NRP2: variants seen among roughly 807,000 people sequenced by gnomAD.
The protein encoded by NRP2 is neuropilin-2.
A neutral mutation model predicts 110.4 loss-of-function variants in NRP2; 52 were observed. The ratio of observed to expected loss-of-function variants is 0.47; its 90% CI spans 0.38 to 0.59. The LOEUF (loss-of-function observed/expected upper bound fraction) is 0.59, where lower values mean the gene tolerates loss of function less well. Among genes scored for constraint, NRP2 ranks in the 20% least tolerant of loss-of-function variants. The pLI is 0.00. For synonymous variants in NRP2, 508 were observed against 468.9 expected, an observed-to-expected ratio of 1.08 and a Z score of -1.08; for missense variants, 1,049 against 1,203.0, an observed-to-expected ratio of 0.87 and a Z score of 1.89.
At position 205,749,780 on chromosome 2, in the gene NRP2, C is replaced by A; in HGVS notation, c.1842C>A (p.Thr614=). The part of the protein sequence containing the change: ...LGPTVKSEET[T]TPYPTEEEAT... ...CCACTGTGAAGAGCGAAGAGACAAC[C>A]ACCCCCTACCCCACCGAAGAGGAGG... Residue 614 remains threonine, a synonymous_variant, in exon 11 of 17, where the codon ACC becomes ACA. Transcript: ENST00000357785. 6.2e-7 allele frequency: 1 copy of A among 1,614,154 alleles called. No homozygotes were observed. The highest frequency in any genetic ancestry group is 1.1e-5 in the South Asian group (1 of 91,076).
chr2:205,684,273 C>T (rs900081214), intron 1 of NRP2, among the ~76,000 whole-genome samples: 1 of 152,222 alleles, frequency 6.6e-6, no homozygotes, highest in East Asian at 1.9e-4. Flanking sequence ...GCTTCCTTCT[C>T]GGACCACTCT....
At position 205,761,125 on chromosome 2, in the gene NRP2, G is replaced by A. The variant is rs567799900; in HGVS notation, c.2045-2549G>A. ...TGGCTGTTGGCTTGGGAGGGTAGAG[G>A]GAATTGTGAAGGGATTATATCTAAG... On this transcript the variant is annotated intron_variant, in intron 12 of 16. Transcript: ENST00000357785. 7.2e-5 allele frequency among the ~76,000 whole-genome samples: 11 copies of A among 152,228 alleles called. No homozygotes were observed. The East Asian group carries it at 2.1e-3, about 29-fold the overall frequency.
At position 205,697,853 on chromosome 2, in the gene NRP2, A is replaced by G. The variant is rs570365017; in HGVS notation, c.251+132A>G. ...CTAACCAGTGGTGGATCCTGGCCCC[A>G]GAGGAAAACCTCAAGGGGCATTCCC... On this transcript the variant is annotated intron_variant, in intron 2 of 16. Coordinates refer to ENST00000357785, the MANE Select transcript of NRP2 (RefSeq NM_003872.3). 2.5e-5 allele frequency: 23 copies of G among 924,234 alleles called. No homozygotes were observed. The East Asian group carries it at 4.8e-4, about 19-fold the overall frequency. The allele number at this position is 924,234 out of a possible 1,614,324, so 57.3% of individuals were successfully genotyped here. A position where few individuals can be genotyped will look rare whatever the true frequency, so the allele number is the denominator to read the frequency against.
chr2:205,759,531 C>T (rs1160630860), intron 12 of NRP2: 1 of 152,230 alleles, frequency 6.6e-6, no homozygotes, highest in Non-Finnish European at 1.5e-5. Flanking sequence ...AGGTCCCACT[C>T]TTGTTCCAGG....
At chr2:205,776,832 C>T in intron 15 of NRP2, 1 of 1,298,444 alleles carries the variant, frequency 7.7e-7, no homozygotes, top group Non-Finnish European at 9.9e-7. Flanking sequence ...TGGTTTTGTT[C>T]CAGAGACTGG....
intron 3 of NRP2, among the ~76,000 whole-genome samples, chr2:205,721,701 A>G (rs2057016148): frequency 6.6e-6 from 1 of 152,234 alleles, no homozygotes; most frequent in African/African-American, 2.4e-5. Flanking sequence ...GCAAGAGCTC[A>G]GGAGAGAAAC....
chr2:205,759,182 A>G (rs2057782462), intron 12 of NRP2, among the ~76,000 whole-genome samples: 1 of 152,212 alleles, frequency 6.6e-6, no homozygotes, highest in Non-Finnish European at 1.5e-5. Flanking sequence ...ACCATGCCCT[A>G]GGAAGTAGAC....
chr2:205,762,908 A>G (rs145809142), intron 12 of NRP2, among the ~76,000 whole-genome samples: 13 of 152,348 alleles, frequency 8.5e-5, no homozygotes, highest in Middle Eastern at 3.4e-3. Context: ...GTAAACCCTT[A>G]ATTTCCCAGA....
Position 205,683,328 on chromosome 2 carries a change from T to TCTA in NRP2, c.41_43dup (p.Tyr14dup). On this transcript the variant is annotated inframe_insertion, in exon 1 of 17. Transcript: ENST00000357785. ...CCTCTCACCTGGGTTTTCTTAGCCC[T>TCTA]CTACTTTTCAAGACACCAAGTGAGA... 2.5e-6 allele frequency: 4 copies of TCTA among 1,614,064 alleles called. No homozygotes were observed. The highest frequency in any genetic ancestry group is 2.5e-6 in the Non-Finnish European group (3 of 1,179,924).
In NRP2 at chr2:205,743,389, G is replaced by A; in HGVS notation, c.1478G>A (p.Gly493Glu). Residue 493 changes from glycine (G) to glutamate (E), a missense_variant, in exon 9 of 17, where the codon GGA (glycine) becomes GAA (glutamate). By Grantham distance (98) the Gly-to-Glu change is moderately conservative (BLOSUM62 -2). Coordinates refer to ENST00000357785, the MANE Select transcript of NRP2 (RefSeq NM_003872.3). ...PGEEWLQVDL[G>E]TPKTVKGVII... ...GAGGAGTGGCTTCAGGTAGATCTGG[G>A]AACACCCAAGACAGTGAAAGGTGTC... 9 of 1,614,254 alleles carry A rather than the reference G, an allele frequency of 5.6e-6. No homozygotes were observed. The highest frequency in any genetic ancestry group is 7.6e-6 in the Non-Finnish European group (9 of 1,180,048).
chr2:205,700,694 T>A (rs2056534397), intron 2 of NRP2: 1 of 518,910 alleles, frequency 1.9e-6, no homozygotes, highest in South Asian at 1.4e-5. Flanking sequence ...TTATTAACTT[T>A]GTTCCATTGA....
At chr2:205,746,543 C>T (rs888898619) in intron 10 of NRP2, among the ~76,000 whole-genome samples, 1 of 152,170 alleles carries the variant, frequency 6.6e-6, no homozygotes, top group Non-Finnish European at 1.5e-5. Context: ...ACCTTCCTTT[C>T]CTTGGGTCGC....
intron 7 of NRP2, among the ~76,000 whole-genome samples, chr2:205,731,289 C>A (rs974524142): frequency 6.6e-6 from 1 of 152,312 alleles, no homozygotes; most frequent in South Asian, 2.1e-4. Flanking sequence ...CTTTTGGTTT[C>A]CCCAGCTATA....
At chr2:205,743,580 C>G in intron 9 of NRP2, 28 bp downstream of exon 9, 1 of 1,611,828 alleles carries the variant, frequency 6.2e-7, no homozygotes. Context: ...GCCTCTGTAA[C>G]GTTACCCTCA....
intron 1 of NRP2, among the ~76,000 whole-genome samples, chr2:205,688,540 C>G (rs2056228840): frequency 6.6e-6 from 1 of 152,144 alleles, no homozygotes; most frequent in Non-Finnish European, 1.5e-5. Flanking sequence ...ACACAGTGGC[C>G]TTGTATCATG....
At chr2:205,728,131 G>GGA in intron 7 of NRP2, 85 bp downstream of exon 7, 2 of 1,488,450 alleles carry the variant, frequency 1.3e-6, no homozygotes, top group Non-Finnish European at 1.9e-6. Context: ...ACCTCCTACA[G>GGA]GAGAGAGGGC....
chr2:205,781,594 T>A lies in NRP2; in HGVS notation c.2426-10641T>A, dbSNP rs557680528. On this transcript the variant is annotated intron_variant, in intron 15 of 16. Transcript: ENST00000357785. Reference sequence around the variant, plus strand: ...TGATGAAAAGAGCTACATCCTGAAGTTTTGACTTGCCTGCATTGTGGGCTA... The same window carrying A: ...TGATGAAAAGAGCTACATCCTGAAGATTTGACTTGCCTGCATTGTGGGCTA... Among the ~76,000 whole-genome samples, 43 of 152,294 alleles carry A rather than the reference T, an allele frequency of 2.8e-4. 1 individual carries two copies. In the South Asian group the frequency reaches 7.9e-3, roughly 28 times the overall value.
chr2:205,782,443 T>A (rs575424945), intron 15 of NRP2, among the ~76,000 whole-genome samples: 1 of 152,190 alleles, frequency 6.6e-6, no homozygotes, highest in Non-Finnish European at 1.5e-5. Context: ...TTTCTTTAAC[T>A]CACAAGTTAA....
intron 7 of NRP2, among the ~76,000 whole-genome samples, chr2:205,737,327 C>G (rs1425345063): frequency 6.6e-6 from 1 of 152,186 alleles, no homozygotes; most frequent in Non-Finnish European, 1.5e-5. Flanking sequence ...GCAGTTCAAA[C>G]CACAAAAAGT....
Sources: allele counts gnomAD v4.1 joint callset (sites outside exome capture counted in the v4.1 genomes callset), GRCh38; gene constraint gnomAD v4.1.1; transcripts MANE v1.5; gene names NCBI Gene and HGNC (gene_info 2026-07-23, HGNC 2026-07-21).